Variants in TAF9 observed in about 807,000 individuals in gnomAD.
TAF9 encodes TATA-box binding protein associated factor 9, also known as transcription initiation factor TFIID subunit 9.
A neutral mutation model predicts 16.5 loss-of-function variants in TAF9; 10 were observed. The observed-to-expected ratio is 0.61, with a 90% CI of 0.37 to 1.03. TAF9 has a LOEUF of 1.03. Ranked by LOEUF, TAF9 falls within the 50% of genes least tolerant of loss-of-function variation. The pLI is 0.01. For missense variants in TAF9, 288 were observed against 319.1 expected (o/e 0.90, Z 0.74); for synonymous variants, 105 against 120.5 (o/e 0.87, Z 0.84).
chr5:69,366,276 C>T (rs1394771274), intron 2 of TAF9, among the ~76,000 whole-genome samples: 1 of 152,196 alleles, frequency 6.6e-6, no homozygotes, highest in Non-Finnish European at 1.5e-5. Flanking sequence ...GCCTTCCCAA[C>T]TATTCACAAG....
At position 69,365,084 on chromosome 5, in the gene TAF9, T is replaced by G. The variant is rs772138447; in HGVS notation, c.654A>C (p.Leu218Phe). Residue 218 changes from leucine (L) to phenylalanine (F), a missense_variant, in exon 3 of 3, where the codon TTA (leucine) becomes TTC (phenylalanine). Transcript: ENST00000217893. ...TAATAAGAATGTTTTTGGACCCGATTAATGATGGATTAATCAGAACATTCT... is the reference window on the plus strand; with the variant it reads ...TAATAAGAATGTTTTTGGACCCGATGAATGATGGATTAATCAGAACATTCT... ...AVQNVLINPS[L>F]IGSKNILITT... 2 of 1,614,138 alleles carry G rather than the reference T, an allele frequency of 1.2e-6. No individual in the cohort carries two copies. Among genetic ancestry groups the G allele is most frequent in the African/African-American group, 2.7e-5 (2 of 74,954 alleles).
In TAF9 at chr5:69,365,318, C is replaced by T. The variant is rs760201873; in HGVS notation, c.420G>A (p.Ala140=). The part of the protein sequence containing the change: ...KSLQKKASTS[A]GRITVPRLSV... ...TTAACCGCGGGACTGTTATTCTTCC[C>T]GCAGAAGTTGATGCCTTTTTCTGTA... Residue 140 remains alanine, a synonymous_variant, in exon 3 of 3, where the codon GCG becomes GCA. Coordinates refer to ENST00000217893, the MANE Select transcript of TAF9 (RefSeq NM_003187.5). 16 of 1,614,028 alleles carry T rather than the reference C, an allele frequency of 9.9e-6. No individual in the cohort carries two copies. The highest frequency in any genetic ancestry group is 2.2e-5 in the South Asian group (2 of 91,090).
chr5:69,365,496 T>C lies in TAF9; in HGVS notation c.242A>G (p.Gln81Arg), dbSNP rs1420926050. ...VRLAIQCRAD[Q>R]SFTSPPPRDF... ...TCTTGGGGGAGGAGAGGTAAAAGAC[T>C]GATCAGCGCGGCACTGGATTGCCAA... The change falls in exon 3 of 3, where the codon CAG (glutamine) becomes CGG (arginine). Residue 81 changes from glutamine to arginine, a missense_variant. Transcript: ENST00000217893. 7 of 1,613,990 alleles carry C rather than the reference T, an allele frequency of 4.3e-6. No individual in the cohort carries two copies. The highest frequency in any genetic ancestry group is 5.1e-6 in the Non-Finnish European group (6 of 1,179,992).
Position 69,364,974 on chromosome 5 carries a change from T to C in TAF9, c.764A>G (p.Asp255Gly). 6.2e-7 allele frequency: 1 copy of C among 1,613,006 alleles called. No individual in the cohort carries two copies. Among genetic ancestry groups the C allele is most frequent in the South Asian group, 1.1e-5 (1 of 91,028 alleles). The change falls in exon 3 of 3, where the codon GAT becomes GGT. Residue 255 changes from aspartate to glycine, a missense_variant. Asp to Gly is a moderately conservative substitution (Grantham distance 94). Coordinates refer to ENST00000217893, the MANE Select transcript of TAF9 (RefSeq NM_003187.5). ...ATTATCATAGTCATCATCATCATCA[T>C]CGTCATCATCATCATCTTCACGTTT... is the stretch of plus-strand genomic sequence containing the variant. ...KRKREDDDDDDDDDDDYDNL is the reference protein window; with the variant it reads ...KRKREDDDDDGDDDDDYDNL
intron 1 of TAF9, 154 bp from the exon 2 acceptor site, chr5:69,366,749 A>C (rs970853691): frequency 1.6e-6 from 1 of 624,048 alleles, no homozygotes; most frequent in African/African-American, 1.8e-5. Context: ...TTTCCTAATT[A>C]GCAATCATAT....
Position 69,365,407 on chromosome 5 carries a change from A to T in TAF9, c.331T>A (p.Ser111Thr). The change falls in exon 3 of 3, where the codon TCA (serine) becomes ACA (threonine). Residue 111 changes from serine (S) to threonine (T), a missense_variant. Physicochemically the swap from Ser to Thr is moderately conservative, Grantham distance 58 (BLOSUM62 1). Transcript: ENST00000217893. ...QTPLPLIKPY[S>T]GPRLPPDRYC... is the part of the protein sequence containing the mutation. ...CTATCAGGTGGCAACCTAGGACCTG[A>T]ATATGGCTTGATCAATGGCAAAGGG... 6.2e-7 allele frequency: 1 copy of T among 1,614,236 alleles called. No individual in the cohort carries two copies. Among genetic ancestry groups the T allele is most frequent in the Non-Finnish European group, 8.5e-7 (1 of 1,180,040 alleles).
upstream of TAF9, chr5:69,369,658 T>C: frequency 6.4e-7 from 1 of 1,558,980 alleles, no homozygotes. Flanking sequence ...ACTGGTTACC[T>C]GGCTTTCGAT....
Position 69,365,548 on chromosome 5 carries a change from C to T in TAF9, c.190G>A (p.Ala64Thr). 6.2e-7 allele frequency: 1 copy of T among 1,613,854 alleles called. No homozygotes were observed. The highest frequency in any genetic ancestry group is 8.5e-7 in the Non-Finnish European group (1 of 1,179,856). ...AKIYSSHAKK[A>T]TVDADDVRLA... The stretch of plus-strand genomic sequence containing the variant: ...CGCACATCATCTGCATCAACAGTAG[C>T]TTTCTTAGCATGGCTTGAATAAATT... The change falls in exon 3 of 3, where the codon GCT becomes ACT. Residue 64 changes from alanine (A) to threonine (T), a missense_variant. Coordinates refer to ENST00000217893, the MANE Select transcript of TAF9 (RefSeq NM_003187.5).
At chr5:69,367,658 T>TC (rs1236654577) in intron 1 of TAF9, among the ~76,000 whole-genome samples, 1 of 151,978 alleles carries the variant, frequency 6.6e-6, no homozygotes, top group Non-Finnish European at 1.5e-5. Flanking sequence ...GCTCAAGCAA[T>TC]CCTCCCATCT....
chr5:69,367,963 G>A (rs145710566), intron 1 of TAF9: 1 of 152,172 alleles, frequency 6.6e-6, no homozygotes, highest in Non-Finnish European at 1.5e-5. Flanking sequence ...GCAGGAGTTC[G>A]AGACCAGCCT....
Position 69,369,242 on chromosome 5 carries a change from C to CCCCCCCCCCCCCCCCCCCCA in TAF9, c.-111+220_-111+221insTGGGGGGGGGGGGGGGGGGG. On this transcript the variant is annotated intron_variant, in intron 1 of 2. Transcript: ENST00000217893. ...CCTCTCTCCACCCCCCCCCGCCCCC[C>CCCCCCCCCCCCCCCCCCCCA]CCCGGAGCCTCAGGCCAACGGAATT... is the stretch of plus-strand genomic sequence containing the variant. 2 of 252,652 alleles carry CCCCCCCCCCCCCCCCCCCCA rather than the reference C, an allele frequency of 7.9e-6. 1 individual carries two copies. Among genetic ancestry groups the CCCCCCCCCCCCCCCCCCCCA allele is most frequent in the Non-Finnish European group, 1.5e-5 (2 of 134,454 alleles). 15.7% of individuals were successfully genotyped at this position (252,652 alleles called of 1,614,324 possible). A position where few individuals can be genotyped will look rare whatever the true frequency, so the allele number is the denominator to read the frequency against.
At chr5:69,369,437 A>C (rs1463630135) in intron 1 of TAF9, 26 bp downstream of exon 1, 1 of 1,608,288 alleles carries the variant, frequency 6.2e-7, no homozygotes, top group African/African-American at 1.3e-5. Flanking sequence ...GCCCCAGCCC[A>C]GTCCCTCCCG....
chr5:69,365,806 C>T, intron 2 of TAF9, 52 bp from the exon 3 acceptor site: 1 of 1,297,908 alleles, frequency 7.7e-7, no homozygotes, highest in East Asian at 2.4e-5. Flanking sequence ...GAAATAGTTA[C>T]TTTAGTAGCA....
rs201579031 is a variant in TAF9, at chr5:69,365,248, T to C, written c.490A>G (p.Thr164Ala). ...ACAGACATGGTCTGTGGGGTTGGTGTGCCTAGTGTGGGAGTACTTGGTCTG... is the reference window on the plus strand; with the variant it reads ...ACAGACATGGTCTGTGGGGTTGGTGCGCCTAGTGTGGGAGTACTTGGTCTG... ...TSRPSTPTLG[T>A]PTPQTMSVST... The change falls in exon 3 of 3, where the codon ACA becomes GCA. Residue 164 changes from threonine to alanine, a missense_variant. Transcript: ENST00000217893. The C allele has an allele frequency of 6.2e-7, 1 of 1,614,222 alleles. No individual in the cohort carries two copies. Among genetic ancestry groups the C allele is most frequent in the Non-Finnish European group, 8.5e-7 (1 of 1,180,032 alleles).
At chr5:69,367,584 T>C (rs1459277166) in intron 1 of TAF9, among the ~76,000 whole-genome samples, 2 of 151,784 alleles carry the variant, frequency 1.3e-5, no homozygotes, top group Non-Finnish European at 2.9e-5. Context: ...AAAGACAAGA[T>C]ATCTCTTTGT....
Position 69,369,235 on chromosome 5 carries a change from C to A in TAF9, c.-111+228G>T, listed in dbSNP as rs1178719111. ...CTGCCGACCTCTCTCCACCCCCCCC[C>A]GCCCCCCCCCGGAGCCTCAGGCCAA... is the stretch of plus-strand genomic sequence containing the variant. On this transcript the variant is annotated intron_variant, in intron 1 of 2. Transcript: ENST00000217893. 8.5e-5 allele frequency: 6 copies of A among 70,904 alleles called. No individual in the cohort carries two copies. The South Asian group carries it at 1.5e-3, about 17-fold the overall frequency. 4.4% of individuals were successfully genotyped at this position (70,904 alleles called of 1,614,324 possible).
chr5:69,369,374 G>T, intron 1 of TAF9, 89 bp downstream of exon 1: 1 of 1,475,194 alleles, frequency 6.8e-7, no homozygotes. Flanking sequence ...AGAGGGCAGT[G>T]AGGGGCCCCC....
At position 69,365,549 on chromosome 5, in the gene TAF9, T is replaced by C; in HGVS notation, c.189A>G (p.Lys63=). The part of the protein sequence containing the change: ...DAKIYSSHAK[K]ATVDADDVRL... ...GCACATCATCTGCATCAACAGTAGC[T>C]TTCTTAGCATGGCTTGAATAAATTT... Residue 63 remains lysine, a synonymous_variant, in exon 3 of 3, where the codon AAA becomes AAG. Coordinates refer to ENST00000217893, the MANE Select transcript of TAF9 (RefSeq NM_003187.5). 6.2e-7 allele frequency: 1 copy of C among 1,613,996 alleles called. No homozygotes were observed. Among genetic ancestry groups the C allele is most frequent in the South Asian group, 1.1e-5 (1 of 91,038 alleles).
At chr5:69,368,062 T>C (rs1762561861) in intron 1 of TAF9, among the ~76,000 whole-genome samples, 1 of 152,006 alleles carries the variant, frequency 6.6e-6, no homozygotes, top group Admixed American at 6.6e-5. Flanking sequence ...AGTCTGAAAA[T>C]TACCTCTACT....
Sources: allele counts gnomAD v4.1 joint callset (sites outside exome capture counted in the v4.1 genomes callset), GRCh38; gene constraint gnomAD v4.1.1; transcripts MANE v1.5; gene names NCBI Gene and HGNC (gene_info 2026-07-23, HGNC 2026-07-21).